Variants in FAM120A observed in about 807,000 individuals in gnomAD.
FAM120A encodes the protein family with sequence similarity 120 member A.
FAM120A carries 15 observed loss-of-function variants against 109.7 expected under a neutral mutation model. The observed-to-expected ratio is 0.14, with a 90% CI of 0.09 to 0.21. The LOEUF (loss-of-function observed/expected upper bound fraction) is 0.21. Ranked by LOEUF, FAM120A falls within the 10% of genes least tolerant of loss-of-function variation. FAM120A has a pLI of 1.00. For missense variants in FAM120A, 899 were observed against 1,439.3 expected (o/e 0.62, Z 6.07); for synonymous variants, 493 against 572.8 (o/e 0.86, Z 1.99).
intron 5 of FAM120A, among the ~76,000 whole-genome samples, chr9:93,509,945 GCTTGCTGTTCTGCA>G (rs1860236477): frequency 6.6e-6 from 1 of 152,162 alleles, no homozygotes; most frequent in Admixed American, 6.5e-5. Flanking sequence ...TCTGTATTGT[GCTTGCTGTTCTGCA>G]CTTGGTCTTT....
intron 3 of FAM120A, among the ~76,000 whole-genome samples, chr9:93,494,313 G>A (rs59491595): frequency 6.6e-6 from 1 of 152,188 alleles, no homozygotes; most frequent in African/African-American, 2.4e-5. Flanking sequence ...ATGCACCTAA[G>A]TCACCGTCAC....
At chr9:93,513,595 A>G (rs369783325) in intron 5 of FAM120A, among the ~76,000 whole-genome samples, 38 of 152,290 alleles carry the variant, frequency 2.5e-4, no homozygotes, top group African/African-American at 8.9e-4. Context: ...AAGCTCTGCC[A>G]AGGTTTTTTC....
chr9:93,467,254 C>G lies in FAM120A; in HGVS notation c.475-3887C>G, dbSNP rs796859093. On this transcript the variant is annotated intron_variant, in intron 1 of 17. Transcript: ENST00000277165. ...TTGCCAGATCTGCTGTCACCCCCCC[C>G]CCCCTTTTCCCCCATTGAATAACTG... 1.3e-4 allele frequency among the ~76,000 whole-genome samples: 14 copies of G among 111,718 alleles called. 1 individual carries two copies. The highest frequency in any genetic ancestry group is 4.4e-4 in the African/African-American group (14 of 32,158). The allele number at this position is 111,718 out of a possible 152,430, so 73.3% of individuals were successfully genotyped here. A position where few individuals can be genotyped will look rare whatever the true frequency, so the allele number is the denominator to read the frequency against.
Position 93,452,679 on chromosome 9 carries a change from C to T in FAM120A, c.474+290C>T, listed in dbSNP as rs1432519230. The T allele has an allele frequency of 4.4e-6, 7 of 1,598,652 alleles. No homozygotes were observed. The highest frequency in any genetic ancestry group is 5.9e-6 in the Non-Finnish European group (7 of 1,179,924). ...GACCAGAATTCGGAGGCGACAGTGT[C>T]ATCATCCCCAATATCCTTAGTTTTT... On this transcript the variant is annotated intron_variant, in intron 1 of 17. Transcript: ENST00000277165. This position sits in a 1 kb window ranked among gnomAD's most constrained non-coding sequence, Gnocchi z 7.0.
At chr9:93,535,935 T>C (rs1208301643) in intron 10 of FAM120A, among the ~76,000 whole-genome samples, 1 of 152,368 alleles carries the variant, frequency 6.6e-6, no homozygotes, top group East Asian at 1.9e-4. Flanking sequence ...TATTAGATTT[T>C]AGCTGACTAA....
chr9:93,534,591 T>C (rs1211337579), intron 10 of FAM120A, among the ~76,000 whole-genome samples: 2 of 152,142 alleles, frequency 1.3e-5, no homozygotes, highest in African/African-American at 4.8e-5. Context: ...ATCTTCAAAG[T>C]GAGAACTTAC....
chr9:93,453,754 G>T (rs1204939278), intron 1 of FAM120A, among the ~76,000 whole-genome samples: 1 of 152,188 alleles, frequency 6.6e-6, no homozygotes, highest in African/African-American at 2.4e-5. Flanking sequence ...TTTAATTTCT[G>T]AATCGGAGCC....
At position 93,550,893 on chromosome 9, in the gene FAM120A, A is replaced by G. The variant is rs185464415; in HGVS notation, c.2274+202A>G. ...ATTCCTTTCTAGTTATGGATTTGCT[A>G]TCCCCAGTTTGGAAATGATTAGTCC... On this transcript the variant is annotated intron_variant, in intron 12 of 17. Coordinates refer to ENST00000277165, the MANE Select transcript of FAM120A (RefSeq NM_014612.5). 9.8e-5 allele frequency among the ~76,000 whole-genome samples: 15 copies of G among 152,344 alleles called. No homozygotes were observed. The East Asian group carries it at 2.9e-3, about 29-fold the overall frequency.
chr9:93,460,395 G>A (rs1352250675), intron 1 of FAM120A, among the ~76,000 whole-genome samples: 3 of 152,120 alleles, frequency 2.0e-5, no homozygotes, highest in Non-Finnish European at 4.4e-5. Flanking sequence ...AACCTGGAGT[G>A]CAGTGACACA....
At chr9:93,458,305 G>A (rs962596932) in intron 1 of FAM120A, among the ~76,000 whole-genome samples, 6 of 151,370 alleles carry the variant, frequency 4.0e-5, no homozygotes, top group African/African-American at 7.3e-5. Flanking sequence ...CGCTCCCACC[G>A]TCTGTCCCCT....
intron 1 of FAM120A, among the ~76,000 whole-genome samples, chr9:93,455,059 C>A (rs1857491150): frequency 6.6e-6 from 1 of 152,198 alleles, no homozygotes; most frequent in South Asian, 2.1e-4. Flanking sequence ...CTAATGAAGA[C>A]TTTTGTTTGT....
intron 7 of FAM120A, among the ~76,000 whole-genome samples, chr9:93,524,460 T>C (rs1156980345): frequency 6.6e-6 from 1 of 152,210 alleles, no homozygotes; most frequent in African/African-American, 2.4e-5. Flanking sequence ...CAGGCTTTCA[T>C]ACGGAAGAAG....
chr9:93,534,655 G>C (rs2131486558), intron 10 of FAM120A, among the ~76,000 whole-genome samples: 1 of 152,266 alleles, frequency 6.6e-6, no homozygotes, highest in South Asian at 2.1e-4. Flanking sequence ...ATGGGAGACT[G>C]AATAGTTTGG....
At chr9:93,473,626 A>AT (rs1858411858) in intron 2 of FAM120A, among the ~76,000 whole-genome samples, 1 of 152,126 alleles carries the variant, frequency 6.6e-6, no homozygotes, top group Admixed American at 6.5e-5. Flanking sequence ...AATTTTTTAT[A>AT]TGTTATTTTG....
intron 1 of FAM120A, chr9:93,453,232 G>GC: frequency 1.0e-6 from 1 of 996,394 alleles, no homozygotes; most frequent in Non-Finnish European, 1.2e-6. Flanking sequence ...GTGACCTTCA[G>GC]CGGTGCCCTG....
intron 12 of FAM120A, 31 bp from the exon 13 acceptor site, chr9:93,556,351 T>C (rs778795409): frequency 6.4e-7 from 1 of 1,563,672 alleles, no homozygotes; most frequent in Non-Finnish European, 8.8e-7. Context: ...AGTACTCTTA[T>C]TCCATAGAAA....
At chr9:93,520,244 C>T (rs1455427400) in intron 7 of FAM120A, among the ~76,000 whole-genome samples, 2 of 151,940 alleles carry the variant, frequency 1.3e-5, no homozygotes, top group African/African-American at 4.8e-5. Flanking sequence ...CCCAGCTACT[C>T]GGGAGGCTGA....
At chr9:93,472,214 C>T (rs1195478493) in intron 2 of FAM120A, among the ~76,000 whole-genome samples, 1 of 151,602 alleles carries the variant, frequency 6.6e-6, no homozygotes, top group African/African-American at 2.4e-5. Flanking sequence ...GATCCAAGAT[C>T]GTGCCACTGC....
chr9:93,492,536 C>T (rs944123151), intron 3 of FAM120A, among the ~76,000 whole-genome samples: 3 of 152,082 alleles, frequency 2.0e-5, no homozygotes. Context: ...CAAATGCACA[C>T]CAGGTCCTGA....
Sources: allele counts gnomAD v4.1 joint callset (sites outside exome capture counted in the v4.1 genomes callset), GRCh38; gene constraint gnomAD v4.1.1; non-coding constraint Gnocchi (gnomAD v3.1); transcripts MANE v1.5; gene names NCBI Gene and HGNC (gene_info 2026-07-23, HGNC 2026-07-21).